The following AEBP2 variants were observed in gnomAD, a reference collection of about 807,000 sequenced individuals.
AEBP2 encodes the protein AE binding protein 2.
In AEBP2, 10 loss-of-function variants were observed where a neutral mutation model predicts 50.8. That is an observed-to-expected ratio of 0.20 (90% CI 0.12 to 0.33). The LOEUF (loss-of-function observed/expected upper bound fraction) is 0.33. Ranked by LOEUF, AEBP2 falls within the 10% of genes least tolerant of loss-of-function variation. The probability of loss-of-function intolerance (pLI) is 1.00; values close to 1 mark genes in which losing one functional copy is unlikely to be tolerated. For missense variants in AEBP2, 570 were observed against 688.0 expected (o/e 0.83, Z 1.92); for synonymous variants, 296 against 261.3 (o/e 1.13, Z -1.28).
chr12:19,514,135 G>C (rs1270355020), intron 6 of AEBP2, among the ~76,000 whole-genome samples: 1 of 151,782 alleles, frequency 6.6e-6, no homozygotes, highest in East Asian at 1.9e-4. Flanking sequence ...GAGTTGATGG[G>C]AATACAGGTG....
At chr12:19,451,451 A>G (rs1017843137) in intron 1 of AEBP2, among the ~76,000 whole-genome samples, 2 of 152,144 alleles carry the variant, frequency 1.3e-5, no homozygotes, top group African/African-American at 2.4e-5. Flanking sequence ...TGCGGCTTCA[A>G]GGGAGCCAGA....
At chr12:19,507,939 G>A (rs1261981502) in intron 5 of AEBP2, among the ~76,000 whole-genome samples, 2 of 152,072 alleles carry the variant, frequency 1.3e-5, no homozygotes, top group Non-Finnish European at 2.9e-5. Flanking sequence ...TTAAAAGAAG[G>A]CTATGAGGTA....
intron 3 of AEBP2, among the ~76,000 whole-genome samples, chr12:19,486,403 G>C (rs1340480920): frequency 6.6e-6 from 1 of 150,510 alleles, no homozygotes; most frequent in East Asian, 1.9e-4. Context: ...TTTTTGTTTT[G>C]TTTTTTGAGA....
At chr12:19,415,973 G>C (rs968923937) in intron 1 of AEBP2, among the ~76,000 whole-genome samples, 1 of 152,130 alleles carries the variant, frequency 6.6e-6, no homozygotes, top group African/African-American at 2.4e-5. Context: ...AGGATCACTT[G>C]AGAGTTCCAG....
chr12:19,459,326 G>T (rs1948329391), intron 1 of AEBP2, among the ~76,000 whole-genome samples: 1 of 151,988 alleles, frequency 6.6e-6, no homozygotes, highest in African/African-American at 2.4e-5. Context: ...CTGCCTCCTG[G>T]GTTCATGCCA....
At chr12:19,442,181 G>T (rs1947974080) in intron 1 of AEBP2, among the ~76,000 whole-genome samples, 1 of 152,162 alleles carries the variant, frequency 6.6e-6, no homozygotes. Context: ...GGCCGAGGTG[G>T]GCGGATCACC....
intron 1 of AEBP2, among the ~76,000 whole-genome samples, chr12:19,442,788 T>A (rs1310504931): frequency 6.6e-6 from 1 of 152,102 alleles, no homozygotes; most frequent in East Asian, 1.9e-4. Context: ...TTCTGAAACA[T>A]CTTCTTGTTG....
chr12:19,489,731 CTG>C (rs201636304), intron 3 of AEBP2, among the ~76,000 whole-genome samples: 3,272 of 152,264 alleles, frequency 0.021, 40 homozygotes, highest in East Asian at 0.042. Flanking sequence ...GCCTCATATT[CTG>C]TGTAGGATGT....
intron 1 of AEBP2, among the ~76,000 whole-genome samples, chr12:19,452,161 G>A (rs1194217933): frequency 6.6e-6 from 1 of 152,108 alleles, no homozygotes; most frequent in Non-Finnish European, 1.5e-5. Flanking sequence ...AAAGTGCTGG[G>A]ATTTTTATTT....
At chr12:19,516,959 G>A (rs1368880973) in intron 7 of AEBP2, among the ~76,000 whole-genome samples, 1 of 152,040 alleles carries the variant, frequency 6.6e-6, no homozygotes, top group African/African-American at 2.4e-5. Context: ...CCCAGGAGGC[G>A]GAGGTTGCAG....
intron 2 of AEBP2, 99 bp from the exon 3 acceptor site, chr12:19,473,149 C>G: frequency 4.6e-6 from 2 of 436,684 alleles, no homozygotes; most frequent in Non-Finnish European, 7.4e-6. Context: ...TAGCTCTTGT[C>G]AGTTGAAGAG....
chr12:19,408,190 A>AAAAAT (rs1419064127), intron 1 of AEBP2, among the ~76,000 whole-genome samples: 14 of 152,228 alleles, frequency 9.2e-5, no homozygotes, highest in Non-Finnish European at 1.8e-4. Context: ...TCACCATAAC[A>AAAAAT]AAAATACAAA....
At chr12:19,489,989 A>AC (rs1948871816) in intron 3 of AEBP2, among the ~76,000 whole-genome samples, 2 of 95,374 alleles carry the variant, frequency 2.1e-5, no homozygotes, top group Non-Finnish European at 4.2e-5. Context: ...ATTAAAATAA[A>AC]CTTTTTTTTT....
At chr12:19,464,088 T>C (rs897984933) in intron 2 of AEBP2, among the ~76,000 whole-genome samples, 1 of 152,222 alleles carries the variant, frequency 6.6e-6, no homozygotes. Context: ...AGAGTTAATA[T>C]GTATGATGTC....
chr12:19,442,128 C>G (rs139302478), intron 1 of AEBP2, among the ~76,000 whole-genome samples: 13 of 152,258 alleles, frequency 8.5e-5, no homozygotes, highest in Non-Finnish European at 1.5e-4. Flanking sequence ...TAAGTTGAGG[C>G]CGGGCGCGGT....
intron 1 of AEBP2, among the ~76,000 whole-genome samples, chr12:19,459,096 T>C (rs1948324873): frequency 6.6e-6 from 1 of 152,260 alleles, no homozygotes; most frequent in Admixed American, 6.5e-5. Context: ...ATTATTAGTA[T>C]TTGCCTTGGA....
chr12:19,448,500 T>G (rs11044568), intron 1 of AEBP2, among the ~76,000 whole-genome samples: 40,536 of 150,224 alleles, frequency 0.27, 6,707 homozygotes, highest in African/African-American at 0.48. Context: ...AAAAAAAAAG[T>G]AAAGATCAGG....
chr12:19,439,838 G>A lies in AEBP2; in HGVS notation c.139G>A (p.Glu47Lys). 6.7e-7 allele frequency: 1 copy of A among 1,501,026 alleles called. No homozygotes were observed. Among genetic ancestry groups the A allele is most frequent in the Non-Finnish European group, 8.8e-7 (1 of 1,133,066 alleles). The allele number at this position is 1,501,026 out of a possible 1,614,324, so 93.0% of individuals were successfully genotyped here. ...EEEEEEEEEEEEAEAEAVAAL... is the reference protein window; with the variant it reads ...EEEEEEEEEEKEAEAEAVAAL... Reference sequence around the variant, plus strand: ...GGAGGAGGAAGAGGAGGAGGAGGAAGAGGAGGCGGAGGCCGAGGCGGTGGC... The same window carrying A: ...GGAGGAGGAAGAGGAGGAGGAGGAAAAGGAGGCGGAGGCCGAGGCGGTGGC... The change falls in exon 1 of 8, where the codon GAG becomes AAG. Residue 47 changes from glutamate to lysine, a missense_variant. Glu to Lys is a moderately conservative substitution (Grantham distance 56, BLOSUM62 1). This residue lies in a region of AEBP2 where 386 missense variants were observed against 336.8 expected (regional missense o/e 1.15). Coordinates refer to ENST00000266508, the MANE Select transcript of AEBP2 (RefSeq NM_153207.5).
intron 3 of AEBP2, among the ~76,000 whole-genome samples, chr12:19,492,867 CTGGGAGGCTGAGG>C (rs1253390348): frequency 6.6e-6 from 1 of 151,840 alleles, no homozygotes; most frequent in African/African-American, 2.4e-5. Flanking sequence ...GTACCACCAC[CTGGGAGGCTGAGG>C]TGGGAGGATC....
Sources: gnomAD v4.1 joint callset for allele counts (sites outside exome capture counted in the v4.1 genomes callset) on GRCh38, gnomAD v4.1.1 for gene constraint, gnomAD v4.1.1 regional missense constraint, MANE v1.5 for transcripts, NCBI Gene and HGNC (gene_info 2026-07-23, HGNC 2026-07-21) for gene names.